NKAIN3: variants seen among roughly 807,000 people sequenced by gnomAD.
NKAIN3 encodes sodium/potassium transporting ATPase interacting 3.
Under a neutral mutation model 30.2 loss-of-function variants are expected in NKAIN3, and 25 were observed. The ratio of observed to expected loss-of-function variants is 0.83; its 90% CI spans 0.60 to 1.16. The LOEUF (loss-of-function observed/expected upper bound fraction) is 1.16. NKAIN3 is among the 50% of genes most tolerant of loss of function. NKAIN3 has a pLI of 0.00. For missense variants in NKAIN3, 225 were observed against 254.1 expected (o/e 0.89, Z 0.78); for synonymous variants, 91 against 89.6 (o/e 1.02, Z -0.09).
intron 4 of NKAIN3, chr8:62,863,170 T>A: frequency 6.6e-7 from 1 of 1,526,296 alleles, no homozygotes; most frequent in Non-Finnish European, 9.0e-7. Context: ...TTCGGCTTCT[T>A]GCTCCAATTC....
chr8:62,618,758 T>C (rs992989191), intron 3 of NKAIN3, among the ~76,000 whole-genome samples: 2 of 151,910 alleles, frequency 1.3e-5, no homozygotes, highest in African/African-American at 2.4e-5. Flanking sequence ...ATGCAAAAAT[T>C]AGCCGGGCAT....
intron 5 of NKAIN3, among the ~76,000 whole-genome samples, chr8:62,951,436 C>T (rs1201783206): frequency 6.6e-6 from 1 of 152,046 alleles, no homozygotes; most frequent in African/African-American, 2.4e-5. Context: ...TTAGCATAAG[C>T]CTTTTAAATT....
chr8:62,885,180 T>C (rs1346328187), intron 4 of NKAIN3, among the ~76,000 whole-genome samples: 2 of 152,372 alleles, frequency 1.3e-5, no homozygotes, highest in South Asian at 2.1e-4. Flanking sequence ...TGTTGTTTTA[T>C]TTTTATTTTC....
At chr8:62,936,936 A>C (rs1332573778) in intron 5 of NKAIN3, among the ~76,000 whole-genome samples, 1 of 152,098 alleles carries the variant, frequency 6.6e-6, no homozygotes, top group Non-Finnish European at 1.5e-5. Context: ...TGTGGTTAGT[A>C]CTTTTTCATA....
At chr8:62,532,741 G>A (rs1189825949) in intron 1 of NKAIN3, among the ~76,000 whole-genome samples, 1 of 152,118 alleles carries the variant, frequency 6.6e-6, no homozygotes, top group African/African-American at 2.4e-5. Flanking sequence ...CTTATTACTG[G>A]AACCTGAGAC....
intron 4 of NKAIN3, among the ~76,000 whole-genome samples, chr8:62,888,150 A>C (rs1821200346): frequency 6.6e-6 from 1 of 152,192 alleles, no homozygotes; most frequent in African/African-American, 2.4e-5. Context: ...AGGATTAGTA[A>C]AGCAGGCTAG....
At chr8:62,655,818 A>G (rs1428225441) in intron 3 of NKAIN3, among the ~76,000 whole-genome samples, 1 of 152,102 alleles carries the variant, frequency 6.6e-6, no homozygotes, top group East Asian at 1.9e-4. Flanking sequence ...GTGTTTGCAA[A>G]CATGGGTAGA....
intron 5 of NKAIN3, among the ~76,000 whole-genome samples, chr8:62,946,446 T>C (rs142926501): frequency 9.9e-5 from 15 of 152,178 alleles, no homozygotes; most frequent in African/African-American, 2.9e-4. Flanking sequence ...CACTGCAGAG[T>C]AGCTCATTCT....
At chr8:62,914,534 T>A (rs1822023236) in intron 4 of NKAIN3, among the ~76,000 whole-genome samples, 1 of 152,126 alleles carries the variant, frequency 6.6e-6, no homozygotes, top group African/African-American at 2.4e-5. Context: ...TGTTCTGCTT[T>A]TAGGATATAT....
intron 4 of NKAIN3, among the ~76,000 whole-genome samples, chr8:62,886,511 C>T (rs1821152713): frequency 6.6e-6 from 1 of 152,026 alleles, no homozygotes; most frequent in Admixed American, 6.5e-5. Context: ...TATTACTTTA[C>T]AGCTCTCTAA....
intron 4 of NKAIN3, among the ~76,000 whole-genome samples, chr8:62,914,397 G>T (rs1244746268): frequency 6.6e-6 from 1 of 152,062 alleles, no homozygotes; most frequent in Non-Finnish European, 1.5e-5. Context: ...ATTGGGTACT[G>T]GACTTAATAC....
intron 4 of NKAIN3, among the ~76,000 whole-genome samples, chr8:62,904,345 T>C (rs1429881229): frequency 1.3e-5 from 2 of 152,346 alleles, no homozygotes; most frequent in East Asian, 3.9e-4. Context: ...ATCTTTCAAG[T>C]GTTTGGTTTC....
At chr8:62,563,313 G>T (rs115609676) in intron 1 of NKAIN3, among the ~76,000 whole-genome samples, 1 of 152,036 alleles carries the variant, frequency 6.6e-6, no homozygotes, top group East Asian at 1.9e-4. Context: ...TGATGAAGTC[G>T]CACTCTTTGA....
Position 62,345,646 on chromosome 8 carries a change from T to C in NKAIN3, c.54+96519T>C, listed in dbSNP as rs182635306. Reference sequence around the variant, plus strand: ...ATATATATACACATATATGTATATATACACATATATACATATGTATACCTG... The same window carrying C: ...ATATATATACACATATATGTATATACACACATATATACATATGTATACCTG... On this transcript the variant is annotated intron_variant, in intron 1 of 6. Transcript: ENST00000623646. Among the ~76,000 whole-genome samples, 140 of 148,522 alleles carry C rather than the reference T, an allele frequency of 9.4e-4. 1 individual carries two copies. Among genetic ancestry groups the C allele is most frequent in the African/African-American group, 2.9e-3 (116 of 39,828 alleles).
At chr8:62,402,966 T>C (rs1178875361) in intron 1 of NKAIN3, among the ~76,000 whole-genome samples, 2 of 152,078 alleles carry the variant, frequency 1.3e-5, no homozygotes, top group South Asian at 2.1e-4. Flanking sequence ...GACAGGAAGA[T>C]GTGGGAAACT....
chr8:62,259,813 G>A (rs959964356), intron 1 of NKAIN3, among the ~76,000 whole-genome samples: 1 of 152,108 alleles, frequency 6.6e-6, no homozygotes, highest in African/African-American at 2.4e-5. Flanking sequence ...TTTGACACTG[G>A]TAAGAGCATC....
At chr8:62,709,984 G>T (rs944465935) in intron 3 of NKAIN3, among the ~76,000 whole-genome samples, 4 of 152,068 alleles carry the variant, frequency 2.6e-5, no homozygotes, top group South Asian at 2.1e-4. Context: ...TTGACCCAAA[G>T]CTCATTCAGG....
At chr8:62,462,634 G>T (rs1432469814) in intron 1 of NKAIN3, among the ~76,000 whole-genome samples, 1 of 152,056 alleles carries the variant, frequency 6.6e-6, no homozygotes, top group African/African-American at 2.4e-5. Context: ...GTTGCCTGAG[G>T]TCACAATCTG....
At chr8:62,915,777 C>T (rs1386663202) in intron 4 of NKAIN3, among the ~76,000 whole-genome samples, 1 of 152,070 alleles carries the variant, frequency 6.6e-6, no homozygotes, top group Non-Finnish European at 1.5e-5. Context: ...GAAACCATCA[C>T]TATCACAGGC....
Sources: allele counts gnomAD v4.1 joint callset (sites outside exome capture counted in the v4.1 genomes callset), GRCh38; gene constraint gnomAD v4.1.1; transcripts MANE v1.5; gene names NCBI Gene and HGNC (gene_info 2026-07-23, HGNC 2026-07-21).